Variants in PCDH11Y observed in about 807,000 individuals in gnomAD.
PCDH11Y encodes protocadherin-11 Y-linked.
For missense variants in PCDH11Y, 12 were observed against 224.8 expected (o/e 0.05, Z 6.05); for synonymous variants, 9 against 83.6 (o/e 0.11, Z 4.87).
At chrY:5,487,269 G>A (rs1602932854) in intron 2 of PCDH11Y, among the ~76,000 whole-genome samples, 2 of 31,103 alleles carry the variant, frequency 6.4e-5, no homozygotes, top group East Asian at 8.6e-4. Flanking sequence ...GCTCAATCTC[G>A]GCTCACTGCA....
intron 2 of PCDH11Y, among the ~76,000 whole-genome samples, chrY:5,392,769 C>G: frequency 6.0e-5 from 2 of 33,241 alleles, no homozygotes; most frequent in Non-Finnish European, 1.5e-4. Flanking sequence ...ATTACTTTGG[C>G]CATCTAGTTA....
intron 2 of PCDH11Y, among the ~76,000 whole-genome samples, chrY:5,168,542 CATATATATATATAT>C (rs61386097): frequency 6.2e-4 from 1 of 1,607 alleles, no homozygotes; most frequent in Non-Finnish European, 1.0e-3. Context: ...TCGTAGACAT[CATATATATATATAT>C]ATATATATAT....
chrY:5,351,824 G>T, intron 2 of PCDH11Y, among the ~76,000 whole-genome samples: 1 of 30,745 alleles, frequency 3.3e-5, no homozygotes, highest in East Asian at 8.5e-4. Flanking sequence ...ATATTAATAG[G>T]TGCTGTAATA....
At chrY:5,426,853 T>C (rs2124680073) in intron 2 of PCDH11Y, among the ~76,000 whole-genome samples, 2 of 33,464 alleles carry the variant, frequency 6.0e-5, no homozygotes, top group South Asian at 1.3e-3. Flanking sequence ...GTTTTCCAAT[T>C]GTAGAAATGG....
chrY:5,109,659 A>G, downstream of PCDH11Y, among the ~76,000 whole-genome samples: 2 of 33,144 alleles, frequency 6.0e-5, no homozygotes, highest in Non-Finnish European at 1.5e-4. Context: ...GGCATGTTAC[A>G]TATCTCCATC....
intron 3 of PCDH11Y, among the ~76,000 whole-genome samples, chrY:5,577,108 G>T: frequency 3.1e-5 from 1 of 32,576 alleles, no homozygotes; most frequent in African/African-American, 1.2e-4. Flanking sequence ...ACTGTCTAAG[G>T]GCTCTGGTTC....
At chrY:5,120,212 TA>T (rs2052816111) in intron 2 of PCDH11Y, among the ~76,000 whole-genome samples, 5 of 32,526 alleles carry the variant, frequency 1.5e-4, no homozygotes, top group South Asian at 6.9e-4. Flanking sequence ...TTAGATAGTA[TA>T]AAAAAATGTA....
chrY:5,024,633 G>A, intron 1 of PCDH11Y, among the ~76,000 whole-genome samples: 2 of 32,798 alleles, frequency 6.1e-5, no homozygotes, highest in Non-Finnish European at 1.5e-4. Context: ...TCAAATGTTA[G>A]CATTTTTTGT....
chrY:5,061,053 A>T, intron 1 of PCDH11Y, among the ~76,000 whole-genome samples: 1 of 32,195 alleles, frequency 3.1e-5, no homozygotes, highest in Non-Finnish European at 7.5e-5. Flanking sequence ...AAAGGGAAAA[A>T]GTGGGGGAAT....
intron 2 of PCDH11Y, among the ~76,000 whole-genome samples, chrY:5,359,046 CA>C (rs1292446971): frequency 2.7e-4 from 1 of 3,706 alleles, no homozygotes; most frequent in Non-Finnish European, 5.8e-4. Flanking sequence ...ACAAAACAAG[CA>C]AAAAAAAAAA....
chrY:5,565,161 C>A, intron 3 of PCDH11Y, among the ~76,000 whole-genome samples: 1 of 33,540 alleles, frequency 3.0e-5, no homozygotes, highest in South Asian at 6.4e-4. Context: ...AGCAATGAAA[C>A]CTGATTAATA....
intron 1 of PCDH11Y, among the ~76,000 whole-genome samples, chrY:5,004,730 A>G: frequency 2.9e-5 from 1 of 34,230 alleles, no homozygotes; most frequent in East Asian, 7.7e-4. Context: ...CATAATTTAA[A>G]GGAGGTGTCA....
At chrY:5,463,011 A>T in intron 2 of PCDH11Y, among the ~76,000 whole-genome samples, 1 of 32,982 alleles carries the variant, frequency 3.0e-5, no homozygotes, top group East Asian at 8.1e-4. Flanking sequence ...TCCTGACAGC[A>T]GTCAAATTTT....
intron 2 of PCDH11Y, among the ~76,000 whole-genome samples, chrY:5,390,783 G>T (rs2053220546): frequency 3.1e-5 from 1 of 32,747 alleles, no homozygotes; most frequent in African/African-American, 1.2e-4. Context: ...GATATCATTT[G>T]CATTACATAA....
intron 2 of PCDH11Y, among the ~76,000 whole-genome samples, chrY:5,300,393 C>T: frequency 6.0e-5 from 2 of 33,141 alleles, no homozygotes; most frequent in Non-Finnish European, 1.5e-4. Context: ...ATAACTATCA[C>T]CTTTTCATTT....
intron 3 of PCDH11Y, among the ~76,000 whole-genome samples, chrY:5,039,645 A>T: frequency 3.0e-5 from 1 of 33,640 alleles, no homozygotes; most frequent in Non-Finnish European, 7.3e-5. Flanking sequence ...AAAACCAAAA[A>T]GTCTCCCAAG....
rs2124695528 is a variant in PCDH11Y at position 5,563,714 on chromosome Y, C to A, written c.3329-18061C>A. 2.2e-4 allele frequency among the ~76,000 whole-genome samples: 7 copies of A among 31,534 alleles called. No individual in the cohort carries two copies. In the South Asian group the frequency reaches 5.2e-3, roughly 23 times the overall value. 84.6% of individuals were successfully genotyped at this position (31,534 alleles called of 37,273 possible). On this transcript the variant is annotated intron_variant, in intron 3 of 4. Transcript: ENST00000400457. ...CAAGATTTTATTGGTAAGCACATAA[C>A]CCCATTTAATTCCAGTAGACGCTCT...
intron 4 of PCDH11Y, among the ~76,000 whole-genome samples, chrY:5,682,108 C>T: frequency 3.2e-5 from 1 of 31,009 alleles, no homozygotes; most frequent in African/African-American, 1.3e-4. Context: ...TAAAAAGTTT[C>T]AAACATTCCC....
chrY:5,037,404 A>G (rs2124622428), intron 3 of PCDH11Y: 1 of 92,700 alleles, frequency 1.1e-5, no homozygotes, highest in East Asian at 3.0e-4. Context: ...CCCCGTCTCT[A>G]CCAAAAATAC....
Sources: allele counts gnomAD v4.1 joint callset (sites outside exome capture counted in the v4.1 genomes callset), GRCh38; gene constraint gnomAD v4.1.1; transcripts MANE v1.5; gene names NCBI Gene and HGNC (gene_info 2026-07-23, HGNC 2026-07-21).